Variants in TPRG1 observed in about 807,000 individuals in gnomAD.
TPRG1 encodes the protein tumor protein p63 regulated 1.
A neutral mutation model predicts 29.3 loss-of-function variants in TPRG1; 29 were observed. The observed-to-expected ratio is 0.99, with a 90% CI of 0.74 to 1.35. TPRG1 has a LOEUF of 1.35. TPRG1 is among the 40% of genes most tolerant of loss of function. TPRG1 has a pLI of 0.00. For missense variants in TPRG1, 327 were observed against 335.0 expected (o/e 0.98, Z 0.19); for synonymous variants, 130 against 116.8 (o/e 1.11, Z -0.73).
Position 189,085,450 on chromosome 3 carries a change from T to TGTGTGTGTGC in TPRG1, c.-462-41598_-462-41597insCGTGTGTGTG, listed in dbSNP as rs1553900884. Among the ~76,000 whole-genome samples the TGTGTGTGTGC allele has an allele frequency of 4.2e-3, 565 of 133,030 alleles. 7 individuals are homozygous for TGTGTGTGTGC. The highest frequency in any genetic ancestry group is 0.014 in the African/African-American group (539 of 39,812). 87.3% of individuals were successfully genotyped at this position (133,030 alleles called of 152,430 possible). On this transcript the variant is annotated intron_variant, in intron 4 of 10. Transcript: ENST00000433971. ...CCTCGTGTCTGTGTGTGTGTGCATGTGTGTGTGTGTGTGTGTGTGTGTGTA... is the reference window on the plus strand; with the variant it reads ...CCTCGTGTCTGTGTGTGTGTGCATGTGTGTGTGTGCGTGTGTGTGTGTGTGTGTGTGTGTA...
chr3:189,128,042 A>G (rs931044143), intron 2 of TPRG1, among the ~76,000 whole-genome samples: 1 of 152,194 alleles, frequency 6.6e-6, no homozygotes, highest in Non-Finnish European at 1.5e-5. Context: ...CTTTCCTCAC[A>G]GCTTAAAAAA....
chr3:189,152,136 C>T (rs1320992554), intron 5 of TPRG1, among the ~76,000 whole-genome samples: 2 of 152,026 alleles, frequency 1.3e-5, no homozygotes, highest in Non-Finnish European at 2.9e-5. Flanking sequence ...TGTGACTCAA[C>T]TATTTTGTCA....
chr3:189,265,509 C>T (rs1436556618), intron 4 of TPRG1, among the ~76,000 whole-genome samples: 1 of 152,156 alleles, frequency 6.6e-6, no homozygotes, highest in African/African-American at 2.4e-5. Flanking sequence ...CTTCCAGTAA[C>T]ATTCTCCCAT....
At chr3:189,005,662 A>T (rs941081312) in intron 3 of TPRG1, among the ~76,000 whole-genome samples, 62 of 152,214 alleles carry the variant, frequency 4.1e-4, no homozygotes, top group African/African-American at 1.3e-3. Context: ...GGGCACGTAC[A>T]TGTGGCTAAG....
intron 1 of TPRG1, among the ~76,000 whole-genome samples, chr3:189,204,869 C>CT (rs776584770): frequency 6.6e-6 from 1 of 151,926 alleles, no homozygotes; most frequent in Non-Finnish European, 1.5e-5. Context: ...CATGTAGCTG[C>CT]CAGGGACAGG....
intron 3 of TPRG1, among the ~76,000 whole-genome samples, chr3:189,220,102 A>G (rs926404160): frequency 1.3e-5 from 2 of 152,022 alleles, no homozygotes; most frequent in African/African-American, 4.8e-5. Context: ...TTGTCTTTTT[A>G]ATTTTTTTAA....
At chr3:189,113,249 C>T (rs1230308326) in intron 1 of TPRG1, among the ~76,000 whole-genome samples, 4 of 152,142 alleles carry the variant, frequency 2.6e-5, no homozygotes, top group East Asian at 3.9e-4. Flanking sequence ...TTTGCTGAAG[C>T]TGCTTATCAG....
chr3:189,008,047 T>A (rs9811161), intron 3 of TPRG1, among the ~76,000 whole-genome samples: 5,438 of 109,796 alleles, frequency 0.05, 330 homozygotes, highest in African/African-American at 0.19. Flanking sequence ...TAAAGTATAA[T>A]AAAAAAAGAA....
At chr3:189,189,048 T>C (rs1005057451) in intron 1 of TPRG1, among the ~76,000 whole-genome samples, 2 of 152,340 alleles carry the variant, frequency 1.3e-5, no homozygotes, top group Admixed American at 1.3e-4. Flanking sequence ...AGGCACCTTT[T>C]AGATTTTTGA....
intron 1 of TPRG1, among the ~76,000 whole-genome samples, chr3:189,116,477 C>T (rs955336305): frequency 3.9e-5 from 6 of 151,970 alleles, no homozygotes; most frequent in Non-Finnish European, 5.9e-5. Context: ...GCGCCCAGCT[C>T]GAAGAGATAT....
rs539585420 is a variant in TPRG1, at chr3:189,184,513, A to G, written c.-10+12382A>G. Among the ~76,000 whole-genome samples, 3 of 151,556 alleles carry G rather than the reference A, an allele frequency of 2.0e-5. No homozygotes were observed. The South Asian group carries it at 6.2e-4, about 31-fold the overall frequency. On this transcript the variant is annotated intron_variant, in intron 1 of 5. Transcript: ENST00000345063. The stretch of plus-strand genomic sequence containing the variant: ...AATTATTTACTTTCATTTTCCCTGC[A>G]TAGTGGGCTTAAGGGAAGATTTCTT...
upstream of TPRG1, among the ~76,000 whole-genome samples, chr3:189,171,706 T>C (rs575263781): frequency 6.6e-6 from 1 of 152,314 alleles, no homozygotes; most frequent in South Asian, 2.1e-4. Flanking sequence ...AGCTTAATTA[T>C]AACTACTTGG....
At chr3:189,299,757 C>T (rs571800526) in intron 4 of TPRG1, among the ~76,000 whole-genome samples, 75 of 151,936 alleles carry the variant, frequency 4.9e-4, no homozygotes, top group Non-Finnish European at 9.6e-4. Flanking sequence ...TTGATCAGCT[C>T]ACAGTTCATT....
chr3:189,281,969 C>T (rs1242135669), intron 4 of TPRG1, among the ~76,000 whole-genome samples: 1 of 151,990 alleles, frequency 6.6e-6, no homozygotes, highest in Non-Finnish European at 1.5e-5. Context: ...CAACCTCTGC[C>T]TCCCAGGCTC....
chr3:189,246,549 C>T (rs1741410018), intron 4 of TPRG1, among the ~76,000 whole-genome samples: 1 of 152,016 alleles, frequency 6.6e-6, no homozygotes, highest in South Asian at 2.1e-4. Flanking sequence ...ATAAAATAGT[C>T]TTTTATATTT....
rs184276884 is a variant in TPRG1, at chr3:189,230,241, T to C, written c.303-8492T>C. Among the ~76,000 whole-genome samples, 17 of 152,228 alleles carry C rather than the reference T, an allele frequency of 1.1e-4. 1 individual carries two copies. In the East Asian group the frequency reaches 2.5e-3, roughly 22 times the overall value. On this transcript the variant is annotated intron_variant, in intron 3 of 5. Transcript: ENST00000345063. ...TGGTAGTGCAGTAGAGAGAGCAAAA[T>C]TGCCTGGTCCTGTAAGGAAAATAAG...
intron 4 of TPRG1, among the ~76,000 whole-genome samples, chr3:189,275,688 G>A (rs1382844584): frequency 6.6e-6 from 1 of 151,930 alleles, no homozygotes. Flanking sequence ...AATAGGAGAG[G>A]CTTTGAATGC....
chr3:189,044,371 A>G (rs981420688), intron 4 of TPRG1, among the ~76,000 whole-genome samples: 4 of 152,162 alleles, frequency 2.6e-5, no homozygotes, highest in South Asian at 2.1e-4. Flanking sequence ...CCTGGCCAAC[A>G]TGGCAAAACG....
intron 1 of TPRG1, among the ~76,000 whole-genome samples, chr3:189,109,421 G>A (rs1720234970): frequency 6.6e-6 from 1 of 152,290 alleles, no homozygotes; most frequent in South Asian, 2.1e-4. Context: ...ATGCAGCAAC[G>A]TGTGTGAACC....
Sources: gnomAD v4.1 joint callset for allele counts (sites outside exome capture counted in the v4.1 genomes callset) on GRCh38, gnomAD v4.1.1 for gene constraint, MANE v1.5 for transcripts, NCBI Gene and HGNC (gene_info 2026-07-23, HGNC 2026-07-21) for gene names.